The following STK33 variants were observed in gnomAD, a reference collection of about 807,000 sequenced individuals.
STK33 encodes serine/threonine-protein kinase 33.
A neutral mutation model predicts 58.0 loss-of-function variants in STK33; 52 were observed. The observed-to-expected ratio is 0.90, with a 90% CI of 0.72 to 1.13. The LOEUF is 1.13. Among genes scored for constraint, STK33 ranks in the 50% most tolerant of loss-of-function variants. The pLI is 0.00. For synonymous variants in STK33, 215 were observed against 200.1 expected (o/e 1.07, Z -0.63); for missense variants, 630 against 604.2 (o/e 1.04, Z -0.45).
At chr11:8,350,181 A>G in the STK33 span, among the ~76,000 whole-genome samples, 1 of 152,236 alleles carries the variant, frequency 6.6e-6, no homozygotes, top group African/African-American at 2.4e-5. Flanking sequence ...CTGTGGTGGC[A>G]GACGATTTGG....
chr11:8,461,868 G>A lies in STK33; in HGVS notation c.495C>T (p.Asn165=), dbSNP rs1424971498. ...GTTCATGTTTTACACTTTTCAGAATGTTCACCTCTCGTTCAAGTAACTTCA... is the reference window on the plus strand; with the variant it reads ...GTTCATGTTTTACACTTTTCAGAATATTCACCTCTCGTTCAAGTAACTTCA... ...SAVKLLEREV[N]ILKSVKHEHI... The change falls in exon 8 of 16, where the codon AAC becomes AAT. Residue 165 remains asparagine, a synonymous_variant. Transcript: ENST00000687296. 6.2e-7 allele frequency: 1 copy of A among 1,600,778 alleles called. No individual in the cohort carries two copies. The highest frequency in any genetic ancestry group is 2.3e-5 in the East Asian group (1 of 43,674).
intron 1 of STK33, among the ~76,000 whole-genome samples, chr11:8,498,574 C>T (rs1201078000): frequency 1.3e-5 from 2 of 151,964 alleles, no homozygotes; most frequent in African/African-American, 2.4e-5. Flanking sequence ...CTTCCCAGAA[C>T]TGGAAAAAAA....
chr11:8,360,207 T>A, the STK33 span, among the ~76,000 whole-genome samples: 1 of 152,242 alleles, frequency 6.6e-6, no homozygotes, highest in Non-Finnish European at 1.5e-5. Flanking sequence ...CAACATTGAT[T>A]TGCCTGTTCC....
At chr11:8,473,897 G>T (rs1015738757) in intron 5 of STK33, among the ~76,000 whole-genome samples, 1 of 152,184 alleles carries the variant, frequency 6.6e-6, no homozygotes, top group South Asian at 2.1e-4. Flanking sequence ...ATATGGCTGG[G>T]CACGGTGGCT....
intron 11 of STK33, 124 bp from the exon 12 acceptor site, chr11:8,440,877 C>A: frequency 1.1e-6 from 1 of 904,036 alleles, no homozygotes; most frequent in South Asian, 1.9e-5. Flanking sequence ...AAAAGAGAAC[C>A]AACAGCAGAT....
In STK33 at chr11:8,392,488, C is replaced by G; in HGVS notation, c.*22G>C. On this transcript the variant is annotated 3_prime_UTR_variant, in exon 16 of 16. Coordinates refer to ENST00000687296, the MANE Select transcript of STK33 (RefSeq NM_001352389.2). ...TAACAAGAGCAGCTTTGTTTTTGTA[C>G]TGTCCAACACTGGAGGGAACCTTAG... 6.2e-7 allele frequency: 1 copy of G among 1,613,318 alleles called. No individual in the cohort carries two copies. The highest frequency in any genetic ancestry group is 8.5e-7 in the Non-Finnish European group (1 of 1,179,790).
At chr11:8,351,715 G>A in the STK33 span, among the ~76,000 whole-genome samples, 1 of 152,198 alleles carries the variant, frequency 6.6e-6, no homozygotes, top group Non-Finnish European at 1.5e-5. Context: ...ACAGGTGCAC[G>A]CTTCAGCGCT....
At chr11:8,574,004 A>G (rs1958007633) in intron 1 of STK33, among the ~76,000 whole-genome samples, 1 of 152,226 alleles carries the variant, frequency 6.6e-6, no homozygotes, top group African/African-American at 2.4e-5. Flanking sequence ...ATGGTTACAC[A>G]AAGTTCGTGG....
Position 8,474,835 on chromosome 11 carries a change from A to G in STK33, c.71T>C (p.Val24Ala), listed in dbSNP as rs1400533306. The change falls in exon 5 of 16, where the codon GTA becomes GCA. Residue 24 changes from valine to alanine, a missense_variant. Val to Ala is a moderately conservative substitution (Grantham distance 64, BLOSUM62 0). Coordinates refer to ENST00000687296, the MANE Select transcript of STK33 (RefSeq NM_001352389.2). ...PDCSSASQKDVLCVCSSKTRV... is the reference protein window; with the variant it reads ...PDCSSASQKDALCVCSSKTRV... ...TGTTTTGCTGGAACATACACAAAGT[A>G]CATCTTTCTGAGAAGCAGATGAACA... is the stretch of plus-strand genomic sequence containing the variant. The G allele has an allele frequency of 8.1e-6, 13 of 1,611,620 alleles. No homozygotes were observed. The highest frequency in any genetic ancestry group is 1.1e-5 in the Non-Finnish European group (13 of 1,179,250).
chr11:8,516,704 G>A (rs905530748), intron 1 of STK33, among the ~76,000 whole-genome samples: 11 of 152,326 alleles, frequency 7.2e-5, no homozygotes, highest in Middle Eastern at 3.4e-3. Flanking sequence ...CTGGCTTGGC[G>A]GGTCTCACAC....
chr11:8,353,974 G>C, the STK33 span, among the ~76,000 whole-genome samples: 2 of 152,178 alleles, frequency 1.3e-5, no homozygotes, highest in Non-Finnish European at 2.9e-5. Flanking sequence ...CTGGGGACAA[G>C]GGTCAGGTTT....
At position 8,536,954 on chromosome 11, in the gene STK33, A is replaced by T. The variant is rs1203117526; in HGVS notation, c.-465-56340T>A. Among the ~76,000 whole-genome samples the T allele has an allele frequency of 9.4e-4, 122 of 129,482 alleles. 7 individuals carry two copies. The highest frequency in any genetic ancestry group is 2.3e-3 in the African/African-American group (83 of 35,538). The allele number at this position is 129,482 out of a possible 152,430, so 84.9% of individuals were successfully genotyped here. ...GCACTGCCATACCCAGCTAATTAAA[A>T]AAAAAAAAAAAAAAAAGATTTTTTT... On this transcript the variant is annotated intron_variant, in intron 1 of 15. Transcript: ENST00000687296.
chr11:8,438,183 TTTTA>T (rs1944311661), intron 12 of STK33, among the ~76,000 whole-genome samples: 1 of 152,202 alleles, frequency 6.6e-6, no homozygotes, highest in Non-Finnish European at 1.5e-5. Flanking sequence ...TTCTTTGCAA[TTTTA>T]TTTACATAAA....
the STK33 span, among the ~76,000 whole-genome samples, chr11:8,341,536 C>T: frequency 5.9e-5 from 9 of 152,220 alleles, no homozygotes; most frequent in African/African-American, 1.2e-4. Context: ...GGAAAGGAAG[C>T]GTGTTGGCAA....
intron 1 of STK33, among the ~76,000 whole-genome samples, chr11:8,481,014 C>G (rs771677029): frequency 5.3e-5 from 8 of 152,110 alleles, no homozygotes; most frequent in Non-Finnish European, 1.0e-4. Flanking sequence ...CTGTCCTCTA[C>G]GTCAAACATT....
chr11:8,585,285 C>T (rs190766714), intron 1 of STK33, among the ~76,000 whole-genome samples: 134 of 132,146 alleles, frequency 1.0e-3, no homozygotes, highest in African/African-American at 3.8e-3. Flanking sequence ...AGTGCAGTGG[C>T]GCAATCTCGG....
the STK33 span, among the ~76,000 whole-genome samples, chr11:8,358,143 C>A: frequency 6.6e-6 from 1 of 152,242 alleles, no homozygotes; most frequent in Non-Finnish European, 1.5e-5. Flanking sequence ...CCTTCTCCTG[C>A]ACTTCCCCTA....
At chr11:8,541,321 T>G (rs917880016) in intron 1 of STK33, among the ~76,000 whole-genome samples, 3 of 152,190 alleles carry the variant, frequency 2.0e-5, no homozygotes, top group Non-Finnish European at 4.4e-5. Flanking sequence ...GATTCAGTAC[T>G]ATAATACAGT....
At position 8,427,524 on chromosome 11, in the gene STK33, T is replaced by C. The variant is rs1942919187; in HGVS notation, c.1146+7970A>G. Among the ~76,000 whole-genome samples the C allele has an allele frequency of 2.6e-5, 4 of 152,142 alleles. 1 individual carries two copies. In the South Asian group the frequency reaches 8.3e-4, roughly 31 times the overall value. ...AATTCTGATGAATTTATCCCCATTA[T>C]TTCTTAAACGATTTCCTCCTCCCCC... On this transcript the variant is annotated intron_variant, in intron 14 of 15. Transcript: ENST00000687296.
Sources: gnomAD v4.1 joint callset for allele counts (sites outside exome capture counted in the v4.1 genomes callset) on GRCh38, gnomAD v4.1.1 for gene constraint, MANE v1.5 for transcripts, NCBI Gene and HGNC (gene_info 2026-07-23, HGNC 2026-07-21) for gene names.